GFPT1: variants seen among roughly 807,000 people sequenced by gnomAD.
GFPT1 encodes the protein glutamine--fructose-6-phosphate aminotransferase [isomerizing] 1.
In GFPT1, 40 loss-of-function variants were observed where a neutral mutation model predicts 92.0. The observed-to-expected ratio is 0.43, with a 90% CI of 0.34 to 0.57. The LOEUF is 0.57. Among genes scored for constraint, GFPT1 ranks in the 20% least tolerant of loss-of-function variants. GFPT1 has a pLI of 0.02. For synonymous variants in GFPT1, 269 were observed against 280.6 expected (o/e 0.96, Z 0.41); for missense variants, 448 against 869.1 (o/e 0.52, Z 6.09).
chr2:69,348,103 T>C (rs1359677715), intron 11 of GFPT1, 68 bp downstream of exon 11: 1 of 1,205,198 alleles, frequency 8.3e-7, no homozygotes, highest in East Asian at 2.3e-5. Context: ...TTTAATATGC[T>C]AGGAAAGGAA....
rs1006454737 is a variant in GFPT1, at chr2:69,359,231, C to A, written c.408+37G>T. 9 of 1,140,724 alleles carry A rather than the reference C, an allele frequency of 7.9e-6. No individual in the cohort carries two copies. The Middle Eastern group carries it at 6.2e-4, about 79-fold the overall frequency. 70.7% of individuals were successfully genotyped at this position (1,140,724 alleles called of 1,614,324 possible). A position where few individuals can be genotyped will look rare whatever the true frequency, so the allele number is the denominator to read the frequency against. ...CCCCAGTGCTCTCGTTAGAAGTATTCTCAAAGACTGGGGTCTTTTGAGGTC... is the reference window on the plus strand; with the variant it reads ...CCCCAGTGCTCTCGTTAGAAGTATTATCAAAGACTGGGGTCTTTTGAGGTC... On this transcript the variant is annotated intron_variant, in intron 5 of 19. Transcript: ENST00000357308.
intron 9 of GFPT1, among the ~76,000 whole-genome samples, chr2:69,353,765 C>A (rs1671268386): frequency 6.6e-6 from 1 of 152,106 alleles, no homozygotes; most frequent in Non-Finnish European, 1.5e-5. Context: ...ATAAACTTTA[C>A]ACATAAACAA....
At chr2:69,358,607 A>G (rs2104656225) in intron 5 of GFPT1, 144 bp from the exon 6 acceptor site, 2 of 666,078 alleles carry the variant, frequency 3.0e-6, no homozygotes, top group African/African-American at 3.6e-5. Context: ...TAAAGTCACC[A>G]GCTGATCAGT....
Position 69,379,971 on chromosome 2 carries a change from G to A in GFPT1, c.8-5858C>T, listed in dbSNP as rs186607421. 3.6e-3 allele frequency among the ~76,000 whole-genome samples: 541 copies of A among 151,910 alleles called. 5 individuals are homozygous for A. Among genetic ancestry groups the A allele is most frequent in the South Asian group, 0.02 (98 of 4,812 alleles). ...TGGACTCAAGCGATCCTCTTGTTTC[G>A]GCCTCCCAAAGTGCTGGGATTACAG... On this transcript the variant is annotated intron_variant, in intron 1 of 19. Coordinates refer to ENST00000357308, the MANE Select transcript of GFPT1 (RefSeq NM_001244710.2).
chr2:69,380,651 T>C (rs1180763889), intron 1 of GFPT1, among the ~76,000 whole-genome samples: 1 of 152,148 alleles, frequency 6.6e-6, no homozygotes, highest in Non-Finnish European at 1.5e-5. Context: ...ATTCCATCTC[T>C]CTCTCTTCTG....
At chr2:69,330,796 C>G (rs1157559246) in intron 15 of GFPT1, among the ~76,000 whole-genome samples, 1 of 152,034 alleles carries the variant, frequency 6.6e-6, no homozygotes, top group Non-Finnish European at 1.5e-5. Context: ...AATAATAGTA[C>G]AAGTGTAATC....
intron 12 of GFPT1, among the ~76,000 whole-genome samples, chr2:69,343,310 G>A (rs544287129): frequency 6.6e-6 from 1 of 152,116 alleles, no homozygotes; most frequent in Non-Finnish European, 1.5e-5. Flanking sequence ...TTCCAAATCT[G>A]GCTGAGGAGA....
chr2:69,385,415 G>C (rs1672108039), intron 1 of GFPT1, among the ~76,000 whole-genome samples: 1 of 151,726 alleles, frequency 6.6e-6, no homozygotes, highest in South Asian at 2.1e-4. Flanking sequence ...AGTAGACATG[G>C]AGTTTCACCA....
At chr2:69,364,994 CAAAAAAAAAAAAAAAAAAA>C (rs58848043) in intron 3 of GFPT1, among the ~76,000 whole-genome samples, 2 of 44,164 alleles carry the variant, frequency 4.5e-5, no homozygotes, top group Non-Finnish European at 8.1e-5. Context: ...GACTCCCTCT[CAAAAAAAAAAAAAAAAAAA>C]AAAAAAAGAA....
At chr2:69,359,146 T>C (rs923845827) in intron 5 of GFPT1, 122 bp downstream of exon 5, 8 of 714,618 alleles carry the variant, frequency 1.1e-5, no homozygotes, top group East Asian at 2.6e-5. Context: ...GCCCTTGGAA[T>C]TGTCCAAGAA....
intron 1 of GFPT1, among the ~76,000 whole-genome samples, chr2:69,381,275 G>A (rs191095052): frequency 5.9e-5 from 9 of 152,162 alleles, no homozygotes; most frequent in Admixed American, 3.3e-4. Context: ...GAGCCACTGC[G>A]CCTGGCCAGA....
intron 2 of GFPT1, 76 bp downstream of exon 2, chr2:69,373,925 ATAGTC>A: frequency 6.9e-6 from 5 of 727,328 alleles, no homozygotes; most frequent in Non-Finnish European, 1.2e-5. Flanking sequence ...ACAGACTTTA[ATAGTC>A]TAGTCTCCTA....
intron 18 of GFPT1, among the ~76,000 whole-genome samples, 172 bp downstream of exon 18, chr2:69,328,094 CAAAAA>C (rs1175703265): frequency 1.2e-5 from 1 of 82,782 alleles, no homozygotes; most frequent in Non-Finnish European, 2.4e-5. Flanking sequence ...GACTCCATCT[CAAAAA>C]AAAAAAAAAA....
chr2:69,378,441 T>C (rs1043522188), intron 1 of GFPT1, among the ~76,000 whole-genome samples: 1 of 152,234 alleles, frequency 6.6e-6, no homozygotes, highest in Non-Finnish European at 1.5e-5. Flanking sequence ...CAAATCAGCA[T>C]GCACTTCACA....
At chr2:69,370,206 T>C (rs1671711330) in intron 2 of GFPT1, 98 bp from the exon 3 acceptor site, 1 of 758,410 alleles carries the variant, frequency 1.3e-6, no homozygotes, top group East Asian at 2.6e-5. Context: ...TACATTCTCA[T>C]CTAATTAATT....
At chr2:69,369,205 G>A (rs754622545) in intron 3 of GFPT1, among the ~76,000 whole-genome samples, 123 of 151,666 alleles carry the variant, frequency 8.1e-4, no homozygotes, top group Non-Finnish European at 1.5e-3. Flanking sequence ...GATTTAATTC[G>A]TTAAACAAGT....
rs1671751129 is a variant in GFPT1, at chr2:69,371,618, A to G, written c.116-1510T>C. On this transcript the variant is annotated intron_variant, in intron 2 of 19. Transcript: ENST00000357308. ...TTTGGGAGGGTGAGGCGGGCAGATC[A>G]CGAGGTCAGGAGATCGAGACCATCC... 2.0e-5 allele frequency: 3 copies of G among 151,858 alleles called. No homozygotes were observed. The South Asian group carries it at 6.3e-4, about 32-fold the overall frequency. The allele number at this position is 151,858 out of a possible 1,614,324, so 9.4% of individuals were successfully genotyped here.
chr2:69,332,110 G>A (rs1670676737), intron 15 of GFPT1, among the ~76,000 whole-genome samples: 1 of 151,492 alleles, frequency 6.6e-6, no homozygotes, highest in South Asian at 2.1e-4. Context: ...ATTAATTTTA[G>A]TGCAAGTTGA....
At chr2:69,330,696 T>C (rs750616185) in intron 15 of GFPT1, among the ~76,000 whole-genome samples, 36 of 152,150 alleles carry the variant, frequency 2.4e-4, no homozygotes, top group Non-Finnish European at 4.1e-4. Flanking sequence ...CTTGTGAATA[T>C]TGCCTTAAAG....
Sources: allele counts gnomAD v4.1 joint callset (sites outside exome capture counted in the v4.1 genomes callset), GRCh38; gene constraint gnomAD v4.1.1; transcripts MANE v1.5; gene names NCBI Gene and HGNC (gene_info 2026-07-23, HGNC 2026-07-21).